PSD3: variants seen among roughly 807,000 people sequenced by gnomAD.
The protein encoded by PSD3 is pleckstrin and Sec7 domain containing 3, also known as PH and SEC7 domain-containing protein 3.
PSD3 carries 49 observed loss-of-function variants against 105.5 expected under a neutral mutation model. That is an observed-to-expected ratio of 0.46 (90% CI 0.37 to 0.59). PSD3 has a LOEUF of 0.59. Among genes scored for constraint, PSD3 ranks in the 20% least tolerant of loss-of-function variants. PSD3 has a pLI of 0.00. For missense variants in PSD3, 1,561 were observed against 1,263.8 expected (o/e 1.24, Z -3.57); for synonymous variants, 557 against 457.8 (o/e 1.22, Z -2.77).
intron 2 of PSD3, among the ~76,000 whole-genome samples, chr8:18,880,604 T>A (rs529871352): frequency 6.6e-6 from 1 of 152,222 alleles, no homozygotes. Context: ...CCGGCATCCA[T>A]GCCCATCATC....
At chr8:18,722,564 T>A (rs559753324) in intron 9 of PSD3, among the ~76,000 whole-genome samples, 24 of 152,234 alleles carry the variant, frequency 1.6e-4, no homozygotes, top group African/African-American at 5.5e-4. Context: ...CTCCATTTCC[T>A]CCCCCTTCAT....
chr8:18,685,587 A>G (rs1800621991), intron 9 of PSD3, among the ~76,000 whole-genome samples: 1 of 152,148 alleles, frequency 6.6e-6, no homozygotes, highest in Non-Finnish European at 1.5e-5. Context: ...CCTTTGAGGT[A>G]CATTTTCCTC....
chr8:18,798,685 C>T (rs1810405413), intron 8 of PSD3, among the ~76,000 whole-genome samples: 1 of 136,524 alleles, frequency 7.3e-6, no homozygotes, highest in Non-Finnish European at 1.7e-5. Flanking sequence ...AAAATTACTT[C>T]ATAGTCCCAG....
intron 15 of PSD3, among the ~76,000 whole-genome samples, chr8:18,545,741 C>A: frequency 6.6e-6 from 1 of 152,174 alleles, no homozygotes; most frequent in East Asian, 1.9e-4. Flanking sequence ...TCTGATTGTA[C>A]TGGAATTCCC....
intron 8 of PSD3, among the ~76,000 whole-genome samples, chr8:18,788,344 G>A (rs553267047): frequency 6.4e-4 from 98 of 152,294 alleles, no homozygotes; most frequent in African/African-American, 2.2e-3. Flanking sequence ...TTCATATCAG[G>A]AGCAGCCAGA....
chr8:18,776,384 T>TAAAA (rs1563253298), intron 8 of PSD3, among the ~76,000 whole-genome samples: 1 of 125,806 alleles, frequency 7.9e-6, no homozygotes, highest in African/African-American at 2.7e-5. Context: ...ATATATATAA[T>TAAAA]TTTTTTTTTT....
intron 12 of PSD3, among the ~76,000 whole-genome samples, chr8:18,578,818 T>G (rs183145656): frequency 3.2e-4 from 48 of 152,110 alleles, no homozygotes; most frequent in African/African-American, 1.2e-3. Flanking sequence ...AACTGCACCA[T>G]TATTTTAAAA....
At chr8:19,059,171 G>T (rs1390426315) in intron 1 of PSD3, among the ~76,000 whole-genome samples, 1 of 152,186 alleles carries the variant, frequency 6.6e-6, no homozygotes, top group Non-Finnish European at 1.5e-5. Context: ...TCATCGGAAA[G>T]TCTCTCATCC....
intron 4 of PSD3, chr8:18,808,870 C>G (rs542043412): frequency 6.3e-7 from 1 of 1,597,082 alleles, no homozygotes; most frequent in African/African-American, 1.4e-5. Context: ...CAGTGACTGC[C>G]GAGCCTCACA....
rs530891075 is a variant in PSD3, at chr8:18,996,843, CAG to C, written c.21+16718_21+16719del. Among the ~76,000 whole-genome samples the C allele has an allele frequency of 5.9e-5, 9 of 152,044 alleles. No homozygotes were observed. The East Asian group carries it at 1.5e-3, about 26-fold the overall frequency. ...GGTCCCCACTACTACACTATAATCC[CAG>C]TTGGTTATCAACCTCAGCAATGACA... On this transcript the variant is annotated intron_variant, in intron 1 of 15. Coordinates refer to ENST00000327040, the MANE Select transcript of PSD3 (RefSeq NM_015310.4).
At chr8:18,815,754 G>C (rs17127252) in intron 4 of PSD3, among the ~76,000 whole-genome samples, 17,108 of 126,800 alleles carry the variant, frequency 0.13, 984 homozygotes, top group South Asian at 0.18. Flanking sequence ...ATGGCCGTAC[G>C]GTCTCACCTT....
At chr8:18,570,659 G>A (rs7831488) in intron 14 of PSD3, among the ~76,000 whole-genome samples, 69,939 of 146,238 alleles carry the variant, frequency 0.48, 18,157 homozygotes, top group Non-Finnish European at 0.59. Context: ...AAAAGTGGGC[G>A]AAGGACATGA....
intron 1 of PSD3, among the ~76,000 whole-genome samples, chr8:19,004,012 T>G (rs546159669): frequency 6.6e-6 from 1 of 152,074 alleles, no homozygotes; most frequent in Admixed American, 6.5e-5. Context: ...TCAGAACCAC[T>G]GTACCAGAAT....
intron 9 of PSD3, among the ~76,000 whole-genome samples, chr8:18,717,296 G>A (rs2129424828): frequency 6.6e-6 from 1 of 152,052 alleles, no homozygotes; most frequent in South Asian, 2.1e-4. Flanking sequence ...CTTTCTTAAG[G>A]AGCAGAACCA....
intron 9 of PSD3, among the ~76,000 whole-genome samples, chr8:18,677,452 T>C (rs1405103445): frequency 6.6e-6 from 1 of 151,884 alleles, no homozygotes; most frequent in Non-Finnish European, 1.5e-5. Context: ...TGGTGGTGCA[T>C]GAGAATTGCC....
intron 15 of PSD3, among the ~76,000 whole-genome samples, chr8:18,537,629 T>C (rs762063640): frequency 6.6e-6 from 1 of 152,132 alleles, no homozygotes; most frequent in Non-Finnish European, 1.5e-5. Flanking sequence ...GATTTTGCTT[T>C]CTGATAAAAG....
rs10046754 is a variant in PSD3 at position 18,933,214 on chromosome 8, T to C, written c.130+2820A>G. On this transcript the variant is annotated intron_variant, in intron 2 of 15. Coordinates refer to ENST00000327040, the MANE Select transcript of PSD3 (RefSeq NM_015310.4). ...CAAATAAGAAACAAAAGGTTTAAGG[T>C]GTCATTTTGGTTTGCCTCGGCTATG... Among the ~76,000 whole-genome samples the C allele has an allele frequency of 7.9e-3, 1,208 of 152,240 alleles. 12 individuals are homozygous for C. The highest frequency in any genetic ancestry group is 0.028 in the African/African-American group (1,164 of 41,532).
intron 4 of PSD3, among the ~76,000 whole-genome samples, chr8:18,857,457 G>A (rs776038900): frequency 4.4e-4 from 67 of 152,240 alleles, no homozygotes; most frequent in Non-Finnish European, 8.2e-4. Flanking sequence ...CCTAGGCTGC[G>A]CATCAGAATC....
intron 9 of PSD3, among the ~76,000 whole-genome samples, chr8:18,693,350 C>G (rs570311098): frequency 2.0e-5 from 3 of 152,182 alleles, no homozygotes; most frequent in Non-Finnish European, 4.4e-5. Flanking sequence ...GGCAGCAAAG[C>G]GCAATGGCTA....
Sources: allele counts gnomAD v4.1 joint callset (sites outside exome capture counted in the v4.1 genomes callset), GRCh38; gene constraint gnomAD v4.1.1; transcripts MANE v1.5; gene names NCBI Gene and HGNC (gene_info 2026-07-23, HGNC 2026-07-21).